The following SLCO1B3 variants were observed in gnomAD, a reference collection of about 807,000 sequenced individuals.
The protein encoded by SLCO1B3 is liver-specific organic anion transporter 2.
SLCO1B3 carries 72 observed loss-of-function variants against 71.8 expected under a neutral mutation model. That is an observed-to-expected ratio of 1.00 (90% CI 0.83 to 1.22). The LOEUF (loss-of-function observed/expected upper bound fraction) is 1.22, where lower values mean the gene tolerates loss of function less well. Among genes scored for constraint, SLCO1B3 ranks in the 50% most tolerant of loss-of-function variants. The probability of loss-of-function intolerance (pLI) is 0.00; values close to 1 mark genes in which losing one functional copy is unlikely to be tolerated. For synonymous variants in SLCO1B3, 298 were observed against 278.4 expected, an observed-to-expected ratio of 1.07 and a Z score of -0.70; for missense variants, 911 against 819.7, an observed-to-expected ratio of 1.11 and a Z score of -1.36.
intron 1 of SLCO1B3, among the ~76,000 whole-genome samples, 154 bp from the exon 2 acceptor site, chr12:20,813,370 G>T (rs1302462539): frequency 6.6e-6 from 1 of 152,114 alleles, no homozygotes; most frequent in Non-Finnish European, 1.5e-5. Context: ...ATACTGCTGG[G>T]CTTTTGTGAT....
chr12:20,902,712 A>G (rs1163382264), intron 15 of SLCO1B3, among the ~76,000 whole-genome samples: 1 of 152,208 alleles, frequency 6.6e-6, no homozygotes, highest in Non-Finnish European at 1.5e-5. Flanking sequence ...GTAAATTAGA[A>G]GAATTTATAA....
chr12:20,858,126 C>T (rs887927705), intron 4 of SLCO1B3, among the ~76,000 whole-genome samples: 8 of 152,020 alleles, frequency 5.3e-5, no homozygotes, highest in African/African-American at 1.9e-4. Context: ...ATCTTTCCCT[C>T]AGATTAGGAA....
chr12:20,880,508 T>A (rs948182948), intron 11 of SLCO1B3, among the ~76,000 whole-genome samples: 5 of 152,110 alleles, frequency 3.3e-5, no homozygotes, highest in Non-Finnish European at 5.9e-5. Context: ...AAGTTACTTA[T>A]ATAATGTAAA....
chr12:20,858,153 A>T (rs971723360), intron 4 of SLCO1B3, among the ~76,000 whole-genome samples: 1 of 152,056 alleles, frequency 6.6e-6, no homozygotes, highest in Non-Finnish European at 1.5e-5. Context: ...TTCCATTCCA[A>T]TGCAATCCAG....
intron 8 of SLCO1B3, among the ~76,000 whole-genome samples, chr12:20,868,606 G>A (rs1202152234): frequency 1.3e-5 from 2 of 152,022 alleles, no homozygotes; most frequent in Admixed American, 6.6e-5. Context: ...CACAGATTTG[G>A]TGGGTCTCTT....
In SLCO1B3 at chr12:20,889,303, A is replaced by C. The variant is rs185434833; in HGVS notation, c.1682+5701A>C. Among the ~76,000 whole-genome samples the C allele has an allele frequency of 6.6e-5, 10 of 152,094 alleles. No homozygotes were observed. The East Asian group carries it at 1.9e-3, about 29-fold the overall frequency. ...CATTTCTTCCTTTTTGGTTTGGTAG[A>C]ATCTGGCAGTAAGTTCATCTTTTTG... On this transcript the variant is annotated intron_variant, in intron 13 of 15. Transcript: ENST00000381545.
At position 20,826,838 on chromosome 12, in the gene SLCO1B3, T is replaced by G. The variant is rs1010405318; in HGVS notation, c.84+11016T>G. Among the ~76,000 whole-genome samples, 22 of 152,186 alleles carry G rather than the reference T, an allele frequency of 1.4e-4. 1 individual carries two copies. The East Asian group carries it at 3.7e-3, about 25-fold the overall frequency. ...TGTTTCATAAACTTTAGCCTTTGTATTAGACAAAAATTATTTTCCTTTAAA... is the reference window on the plus strand; with the variant it reads ...TGTTTCATAAACTTTAGCCTTTGTAGTAGACAAAAATTATTTTCCTTTAAA... On this transcript the variant is annotated intron_variant, in intron 3 of 15. Transcript: ENST00000381545.
At chr12:20,821,114 G>T (rs190931320) in intron 3 of SLCO1B3, among the ~76,000 whole-genome samples, 2 of 152,140 alleles carry the variant, frequency 1.3e-5, no homozygotes, top group African/African-American at 4.8e-5. Context: ...GACGCTTGGG[G>T]TTGGGCCTGA....
At chr12:20,851,562 G>A (rs1591761077) in intron 3 of SLCO1B3, among the ~76,000 whole-genome samples, 1 of 151,952 alleles carries the variant, frequency 6.6e-6, no homozygotes, top group African/African-American at 2.4e-5. Context: ...ATATATTCTG[G>A]GTATTAGCTC....
At chr12:20,883,814 T>A (rs1865741720) in intron 13 of SLCO1B3, among the ~76,000 whole-genome samples, 1 of 146,888 alleles carries the variant, frequency 6.8e-6, no homozygotes. Context: ...GGCTCTATAC[T>A]TTCTTCTCTT....
At chr12:20,855,999 A>G (rs964618047) in intron 4 of SLCO1B3, among the ~76,000 whole-genome samples, 3 of 152,122 alleles carry the variant, frequency 2.0e-5, no homozygotes, top group Non-Finnish European at 4.4e-5. Context: ...CTAAAATGTA[A>G]TTGTCAAAGG....
intron 3 of SLCO1B3, among the ~76,000 whole-genome samples, chr12:20,831,847 C>T (rs939663994): frequency 4.6e-5 from 7 of 152,100 alleles, no homozygotes; most frequent in Non-Finnish European, 1.0e-4. Context: ...TAGTGGCTAA[C>T]ATTTGTTGAG....
chr12:20,816,897 T>A (rs1449073122), intron 3 of SLCO1B3, among the ~76,000 whole-genome samples: 4 of 152,182 alleles, frequency 2.6e-5, no homozygotes, highest in African/African-American at 9.7e-5. Context: ...CCATTTTAAC[T>A]GGGGGTGAGA....
chr12:20,893,568 G>A (rs566491949), intron 13 of SLCO1B3, among the ~76,000 whole-genome samples: 2 of 152,130 alleles, frequency 1.3e-5, no homozygotes, highest in Non-Finnish European at 2.9e-5. Flanking sequence ...GTTGTGGAAG[G>A]AAAAAGCCTA....
At chr12:20,902,784 A>T (rs1246956741) in intron 15 of SLCO1B3, among the ~76,000 whole-genome samples, 1 of 152,024 alleles carries the variant, frequency 6.6e-6, no homozygotes, top group Non-Finnish European at 1.5e-5. Flanking sequence ...ATCTCCAAAA[A>T]CAGGCCGGAT....
At chr12:20,887,561 G>C (rs1180807975) in intron 13 of SLCO1B3, among the ~76,000 whole-genome samples, 1 of 151,436 alleles carries the variant, frequency 6.6e-6, no homozygotes, top group Non-Finnish European at 1.5e-5. Flanking sequence ...TTTTTAATGA[G>C]GTTTTTTTCC....
intron 3 of SLCO1B3, among the ~76,000 whole-genome samples, chr12:20,842,981 G>T (rs1187661116): frequency 5.9e-5 from 9 of 152,068 alleles, no homozygotes; most frequent in African/African-American, 1.7e-4. Context: ...CCCTCTTCCT[G>T]CTGCTGTCCT....
chr12:20,835,208 G>C (rs1864652363), intron 3 of SLCO1B3, among the ~76,000 whole-genome samples: 1 of 152,182 alleles, frequency 6.6e-6, no homozygotes, highest in African/African-American at 2.4e-5. Flanking sequence ...CCCTGGACCA[G>C]GCTCAGGAAA....
intron 8 of SLCO1B3, among the ~76,000 whole-genome samples, chr12:20,866,788 T>A (rs888130308): frequency 2.6e-5 from 4 of 152,066 alleles, no homozygotes; most frequent in African/African-American, 9.7e-5. Flanking sequence ...GTACCAGTAT[T>A]TAAGGCAGGA....
Sources: gnomAD v4.1 joint callset for allele counts (sites outside exome capture counted in the v4.1 genomes callset) on GRCh38, gnomAD v4.1.1 for gene constraint, MANE v1.5 for transcripts, NCBI Gene and HGNC (gene_info 2026-07-23, HGNC 2026-07-21) for gene names.